TYR: variants seen among roughly 807,000 people sequenced by gnomAD.
The protein encoded by TYR is tyrosinase.
Under a neutral mutation model 51.5 loss-of-function variants are expected in TYR, and 58 were observed. The ratio of observed to expected loss-of-function variants is 1.13; its 90% CI spans 0.91 to 1.40. TYR has a LOEUF of 1.40. Among genes scored for constraint, TYR ranks in the 40% most tolerant of loss-of-function variants. The pLI, the probability that TYR is intolerant of heterozygous loss-of-function variation, is 0.00. For missense variants in TYR, 732 were observed against 647.4 expected, an observed-to-expected ratio of 1.13 and a Z score of -1.42; for synonymous variants, 263 against 235.2, an observed-to-expected ratio of 1.12 and a Z score of -1.08.
At chr11:89,276,897 C>T (rs1288038147) in intron 3 of TYR, among the ~76,000 whole-genome samples, 2 of 151,706 alleles carry the variant, frequency 1.3e-5, no homozygotes, top group Non-Finnish European at 2.9e-5. Flanking sequence ...TTGGTTGTAC[C>T]GTTAACTGTG....
intron 1 of TYR, among the ~76,000 whole-genome samples, chr11:89,189,581 T>C (rs1414289129): frequency 6.6e-6 from 1 of 152,156 alleles, no homozygotes; most frequent in African/African-American, 2.4e-5. Flanking sequence ...TGTTTTCTGT[T>C]GGTCATGCCA....
chr11:89,262,988 C>T (rs1565416813), intron 3 of TYR, among the ~76,000 whole-genome samples: 1 of 150,788 alleles, frequency 6.6e-6, no homozygotes, highest in Non-Finnish European at 1.5e-5. Context: ...TAGGAGGGAA[C>T]ATTTCCTGAC....
intron 3 of TYR, among the ~76,000 whole-genome samples, chr11:89,235,887 T>G (rs891009949): frequency 3.3e-5 from 5 of 152,126 alleles, no homozygotes; most frequent in African/African-American, 1.2e-4. Flanking sequence ...CATTTTAGCT[T>G]GATTTAATCA....
intron 3 of TYR, among the ~76,000 whole-genome samples, chr11:89,256,624 G>A (rs1944395094): frequency 6.6e-6 from 1 of 151,172 alleles, no homozygotes; most frequent in Non-Finnish European, 1.5e-5. Context: ...TTCAAAAGTG[G>A]AAAAAAAACT....
intron 3 of TYR, among the ~76,000 whole-genome samples, chr11:89,269,744 A>G (rs967553477): frequency 1.3e-5 from 2 of 151,904 alleles, no homozygotes; most frequent in Non-Finnish European, 2.9e-5. Context: ...ATTTGAAGCT[A>G]TTTATTCCTG....
At position 89,198,046 on chromosome 11, in the gene TYR, T is replaced by C. The variant is rs933662614; in HGVS notation, c.1036+6628T>C. 4.6e-5 allele frequency among the ~76,000 whole-genome samples: 7 copies of C among 152,226 alleles called. 1 individual carries two copies. The East Asian group carries it at 1.2e-3, about 25-fold the overall frequency. ...GCAATCTACAGAGTGGTAAATGAGC[T>C]GTGGGCTTTAATGAGAAACAAGGGA... is the stretch of plus-strand genomic sequence containing the variant. On this transcript the variant is annotated intron_variant, in intron 2 of 4. Coordinates refer to ENST00000263321, the MANE Select transcript of TYR (RefSeq NM_000372.5).
chr11:89,201,573 A>G (rs962543425), intron 2 of TYR, among the ~76,000 whole-genome samples: 1 of 152,236 alleles, frequency 6.6e-6, no homozygotes, highest in Non-Finnish European at 1.5e-5. Context: ...ATTCATTTTT[A>G]CTGCAAGTCT....
intron 3 of TYR, among the ~76,000 whole-genome samples, chr11:89,266,758 A>G: frequency 6.6e-6 from 1 of 151,796 alleles, no homozygotes; most frequent in Admixed American, 6.6e-5. Context: ...CTAAGCACTA[A>G]TTTTTCTCAT....
chr11:89,258,942 T>C (rs1212725292), intron 3 of TYR, among the ~76,000 whole-genome samples: 2 of 152,060 alleles, frequency 1.3e-5, no homozygotes, highest in Non-Finnish European at 2.9e-5. Context: ...GTCTGTTTCA[T>C]CTATTTTCTA....
chr11:89,192,943 G>T (rs1388148698), intron 2 of TYR, among the ~76,000 whole-genome samples: 1 of 152,092 alleles, frequency 6.6e-6, no homozygotes, highest in African/African-American at 2.4e-5. Flanking sequence ...AAGTACCAAA[G>T]TCCAAGTTCT....
chr11:89,217,941 G>T (rs1241024627), intron 2 of TYR, among the ~76,000 whole-genome samples: 1 of 151,954 alleles, frequency 6.6e-6, no homozygotes, highest in Non-Finnish European at 1.5e-5. Flanking sequence ...ATTATTCCAT[G>T]TTTTATGGGT....
At chr11:89,184,843 T>A in intron 1 of TYR, among the ~76,000 whole-genome samples, 1 of 152,172 alleles carries the variant, frequency 6.6e-6, no homozygotes, top group East Asian at 1.9e-4. Context: ...CATAAATTCT[T>A]AAGTTATGTC....
intron 3 of TYR, among the ~76,000 whole-genome samples, chr11:89,231,170 C>CA (rs1156577257): frequency 0.28 from 17,783 of 64,454 alleles, 2,851 homozygotes; most frequent in African/African-American, 0.45. Context: ...GACTTCGTCT[C>CA]AAAAAAAAAA....
At chr11:89,200,717 C>T (rs1943586775) in intron 2 of TYR, 1 of 152,124 alleles carries the variant, frequency 6.6e-6, no homozygotes, top group Admixed American at 6.5e-5. Context: ...CATCTGACTA[C>T]TTCTACATTC....
In TYR at chr11:89,260,439, C is replaced by T. The variant is rs1590884733; in HGVS notation, c.1185-24334C>T. On this transcript the variant is annotated intron_variant, in intron 3 of 4. Coordinates refer to ENST00000263321, the MANE Select transcript of TYR (RefSeq NM_000372.5). ...GTGCTGAAAGAAAATATTGTGACCC[C>T]AGATTTCTATATCTGGCAATGTTAT... Among the ~76,000 whole-genome samples the T allele has an allele frequency of 2.0e-5, 3 of 152,080 alleles. No homozygotes were observed. The South Asian group carries it at 6.2e-4, about 32-fold the overall frequency.
In TYR at chr11:89,295,529, A is replaced by G. The variant is rs1944898925; in HGVS notation, c.*163A>G. 8.1e-6 allele frequency: 7 copies of G among 864,480 alleles called. No individual in the cohort carries two copies. The highest frequency in any genetic ancestry group is 9.1e-6 in the Non-Finnish European group (5 of 550,094). The allele number at this position is 864,480 out of a possible 1,614,324, so 53.6% of individuals were successfully genotyped here. On this transcript the variant is annotated 3_prime_UTR_variant, in exon 5 of 5. Coordinates refer to ENST00000263321, the MANE Select transcript of TYR (RefSeq NM_000372.5). ...CCTTCTTCCAACTCAGGTAGAACAC[A>G]CCTGTCTTTGTCTTGCTGTTTTCAC...
rs1468669332 is a variant in TYR at position 89,191,346 on chromosome 11, C to T, written c.964C>T (p.Leu322=). Residue 322 remains leucine, a synonymous_variant, in exon 2 of 5, where the codon CTG becomes TTG. Transcript: ENST00000263321. ...CTCTTCAGCTGATGTAGAATTTTGC[C>T]TGAGTTTGACCCAATATGAATCTGG... The part of the protein sequence containing the change: ...LPSSADVEFC[L]SLTQYESGSM... The T allele has an allele frequency of 1.2e-6, 2 of 1,613,788 alleles. No individual in the cohort carries two copies. The highest frequency in any genetic ancestry group is 1.1e-5 in the South Asian group (1 of 91,082).
Position 89,191,192 on chromosome 11 carries a change from T to C in TYR, c.820-10T>C, listed in dbSNP as rs775737008. 6.2e-6 allele frequency: 10 copies of C among 1,613,194 alleles called. No individual in the cohort carries two copies. The highest frequency in any genetic ancestry group is 8.5e-6 in the Non-Finnish European group (10 of 1,179,438). On this transcript the variant is annotated splice_polypyrimidine_tract_variant and intron_variant, in intron 1 of 4. Transcript: ENST00000263321. ...TGACAATTTGTTTAACATGAGGGTG[T>C]TTTGTACAGATTGTCTGTAGCCGAT...
At chr11:89,212,441 A>G (rs956286582) in intron 2 of TYR, among the ~76,000 whole-genome samples, 2 of 152,216 alleles carry the variant, frequency 1.3e-5, no homozygotes, top group African/African-American at 4.8e-5. Flanking sequence ...TGAGGCAATA[A>G]TTAATAGCCT....
Sources: allele counts gnomAD v4.1 joint callset (sites outside exome capture counted in the v4.1 genomes callset), GRCh38; gene constraint gnomAD v4.1.1; transcripts MANE v1.5; gene names NCBI Gene and HGNC (gene_info 2026-07-23, HGNC 2026-07-21).